SNAP91: variants seen among roughly 807,000 people sequenced by gnomAD.
SNAP91 encodes synaptosome associated protein 91.
In SNAP91, 27 loss-of-function variants were observed where a neutral mutation model predicts 100.3. That is an observed-to-expected ratio of 0.27 (90% CI 0.20 to 0.37). The LOEUF is 0.37. Ranked by LOEUF, SNAP91 falls within the 10% of genes least tolerant of loss-of-function variation. The probability of loss-of-function intolerance (pLI) is 1.00; values close to 1 mark genes in which losing one functional copy is unlikely to be tolerated. For synonymous variants in SNAP91, 404 were observed against 398.6 expected, an observed-to-expected ratio of 1.01 and a Z score of -0.16; for missense variants, 986 against 1,123.7, an observed-to-expected ratio of 0.88 and a Z score of 1.75.
intron 2 of SNAP91, among the ~76,000 whole-genome samples, chr6:83,667,857 G>C (rs2098714996): frequency 6.6e-6 from 1 of 152,068 alleles, no homozygotes; most frequent in South Asian, 2.1e-4. Flanking sequence ...AAGAGCTTCT[G>C]CACAGCAAAA....
At chr6:83,561,094 G>A in intron 26 of SNAP91, 147 bp from the exon 27 acceptor site, 5 of 590,672 alleles carry the variant, frequency 8.5e-6, no homozygotes, top group South Asian at 2.5e-5. Context: ...CCAGGCTGGA[G>A]TACGATGGCA....
intron 2 of SNAP91, among the ~76,000 whole-genome samples, chr6:83,677,329 A>G (rs1464397148): frequency 6.6e-6 from 1 of 152,200 alleles, no homozygotes; most frequent in Non-Finnish European, 1.5e-5. Context: ...AGGCATCAGC[A>G]ACACTTCAAA....
At chr6:83,680,996 A>G (rs1372952713) in intron 2 of SNAP91, among the ~76,000 whole-genome samples, 1 of 152,162 alleles carries the variant, frequency 6.6e-6, no homozygotes, top group Non-Finnish European at 1.5e-5. Flanking sequence ...GTCTGTAAGA[A>G]CCTAATATGT....
chr6:83,580,986 T>C (rs951192100), intron 23 of SNAP91, among the ~76,000 whole-genome samples: 1 of 152,236 alleles, frequency 6.6e-6, no homozygotes, highest in African/African-American at 2.4e-5. Context: ...AACATTAAAT[T>C]AGGTGATACA....
intron 2 of SNAP91, among the ~76,000 whole-genome samples, chr6:83,668,489 A>T (rs1173223983): frequency 6.6e-6 from 1 of 152,194 alleles, no homozygotes; most frequent in African/African-American, 2.4e-5. Context: ...ACCACGGAAT[A>T]CTATGCAGCC....
chr6:83,577,628 T>A (rs780279718), intron 24 of SNAP91, among the ~76,000 whole-genome samples: 5 of 152,190 alleles, frequency 3.3e-5, no homozygotes, highest in Admixed American at 2.0e-4. Flanking sequence ...ATGCAGGAGA[T>A]TTATTTTGAA....
intron 7 of SNAP91, among the ~76,000 whole-genome samples, chr6:83,644,559 T>C (rs1036537937): frequency 6.6e-6 from 1 of 152,186 alleles, no homozygotes. Flanking sequence ...ACATGAACCT[T>C]TGTAAAGCTG....
chr6:83,645,800 G>C (rs376207053), intron 7 of SNAP91, among the ~76,000 whole-genome samples: 72 of 152,282 alleles, frequency 4.7e-4, no homozygotes, highest in African/African-American at 1.7e-3. Flanking sequence ...GCAGTGAGCT[G>C]TGTTCGTGCC....
chr6:83,627,391 T>A (rs985807650), intron 8 of SNAP91, among the ~76,000 whole-genome samples: 3 of 152,106 alleles, frequency 2.0e-5, no homozygotes, highest in Middle Eastern at 3.2e-3. Flanking sequence ...GGATCCCTCC[T>A]TCTCAATTCA....
intron 2 of SNAP91, among the ~76,000 whole-genome samples, chr6:83,700,613 G>T (rs1296115567): frequency 6.6e-6 from 1 of 151,648 alleles, no homozygotes; most frequent in Non-Finnish European, 1.5e-5. Context: ...ATTTCAGATA[G>T]TTTTTTGTTT....
At chr6:83,648,799 A>G (rs1164608970) in intron 7 of SNAP91, among the ~76,000 whole-genome samples, 1 of 152,220 alleles carries the variant, frequency 6.6e-6, no homozygotes, top group Non-Finnish European at 1.5e-5. Context: ...CATTATAAAA[A>G]TCGAGTTGTC....
chr6:83,595,364 G>A (rs1302528904), intron 16 of SNAP91, among the ~76,000 whole-genome samples: 3 of 152,040 alleles, frequency 2.0e-5, no homozygotes, highest in East Asian at 3.8e-4. Flanking sequence ...CACATTTTAA[G>A]ACTATAAGTG....
intron 7 of SNAP91, among the ~76,000 whole-genome samples, chr6:83,648,553 A>G (rs2098060510): frequency 1.3e-5 from 2 of 152,064 alleles, no homozygotes; most frequent in South Asian, 2.1e-4. Flanking sequence ...AAATCATTTG[A>G]CGTTTTACCA....
chr6:83,625,908 A>T (rs2128434734), intron 8 of SNAP91, among the ~76,000 whole-genome samples: 1 of 152,066 alleles, frequency 6.6e-6, no homozygotes, highest in African/African-American at 2.4e-5. Context: ...TTTTGTTGCA[A>T]TTGCTTTTGA....
intron 14 of SNAP91, among the ~76,000 whole-genome samples, chr6:83,605,228 T>C (rs2095536195): frequency 6.6e-6 from 1 of 152,072 alleles, no homozygotes; most frequent in Admixed American, 6.6e-5. Flanking sequence ...TGAAGTCAAA[T>C]ACAATGTGAA....
intron 16 of SNAP91, among the ~76,000 whole-genome samples, chr6:83,598,481 T>C (rs183246893): frequency 6.6e-6 from 1 of 152,302 alleles, no homozygotes; most frequent in East Asian, 1.9e-4. Flanking sequence ...TAAAATACAT[T>C]AACAGTTTTA....
chr6:83,602,836 G>A (rs17200231), intron 14 of SNAP91, among the ~76,000 whole-genome samples: 26,438 of 151,836 alleles, frequency 0.17, 2,941 homozygotes, highest in South Asian at 0.28. Context: ...TTATAAAAAC[G>A]TACTCCCTGG....
intron 22 of SNAP91, among the ~76,000 whole-genome samples, chr6:83,589,668 C>G (rs2093429123): frequency 6.6e-6 from 1 of 152,080 alleles, no homozygotes. Flanking sequence ...GGGAAAGACA[C>G]TAGAGAACTA....
intron 12 of SNAP91, 109 bp downstream of exon 12, chr6:83,610,541 G>A (rs2095945593): frequency 5.4e-6 from 2 of 373,748 alleles, no homozygotes; most frequent in South Asian, 6.6e-5. Context: ...TAGAGAGGAT[G>A]GTTGTACAAC....
Sources: gnomAD v4.1 joint callset for allele counts (sites outside exome capture counted in the v4.1 genomes callset) on GRCh38, gnomAD v4.1.1 for gene constraint, MANE v1.5 for transcripts, NCBI Gene and HGNC (gene_info 2026-07-23, HGNC 2026-07-21) for gene names.